The following PTP4A1 variants were observed in gnomAD, a reference collection of about 807,000 sequenced individuals.
PTP4A1 encodes protein tyrosine phosphatase 4A1.
A neutral mutation model predicts 20.5 loss-of-function variants in PTP4A1; 9 were observed. That is an observed-to-expected ratio of 0.44 (90% CI 0.26 to 0.77). The LOEUF is 0.77. Among genes scored for constraint, PTP4A1 ranks in the 30% least tolerant of loss-of-function variants. The pLI is 0.19. For missense variants in PTP4A1, 137 were observed against 218.8 expected (o/e 0.63, Z 2.36); for synonymous variants, 78 against 67.4 (o/e 1.16, Z -0.77).
chr6:63,558,519 G>T (rs540820525), intron 3 of PTP4A1, among the ~76,000 whole-genome samples: 1 of 152,268 alleles, frequency 6.6e-6, no homozygotes, highest in South Asian at 2.1e-4. Flanking sequence ...ATTGTCTCAT[G>T]ATAACAGTAA....
chr6:63,549,103 G>A, intron 2 of PTP4A1: 1 of 704,448 alleles, frequency 1.4e-6, no homozygotes, highest in South Asian at 1.5e-5. Context: ...CCTGCTCGAA[G>A]GACAGGTGGT....
chr6:63,553,288 A>G (rs1776531385), intron 3 of PTP4A1, among the ~76,000 whole-genome samples: 1 of 152,190 alleles, frequency 6.6e-6, no homozygotes, highest in Non-Finnish European at 1.5e-5. Flanking sequence ...ACCCAAAACC[A>G]TGCTTCAGGA....
At chr6:63,537,022 T>TA (rs1775757232) in intron 2 of PTP4A1, among the ~76,000 whole-genome samples, 1 of 152,024 alleles carries the variant, frequency 6.6e-6, no homozygotes, top group Non-Finnish European at 1.5e-5. Flanking sequence ...GAATTAAGGT[T>TA]AAATAGTTTT....
upstream of PTP4A1, among the ~76,000 whole-genome samples, chr6:63,517,500 A>G (rs1197897): frequency 0.54 from 81,441 of 151,980 alleles, 23,635 homozygotes; most frequent in African/African-American, 0.77. Flanking sequence ...GAAACCATTT[A>G]AATGGTGAAA....
At chr6:63,560,895 G>A (rs1321542718) in intron 3 of PTP4A1, among the ~76,000 whole-genome samples, 1 of 152,138 alleles carries the variant, frequency 6.6e-6, no homozygotes, top group Non-Finnish European at 1.5e-5. Flanking sequence ...ATCTCTTGAA[G>A]TAGCCATCAG....
At chr6:63,540,012 T>G (rs1176805364) in intron 2 of PTP4A1, among the ~76,000 whole-genome samples, 1 of 152,182 alleles carries the variant, frequency 6.6e-6, no homozygotes, top group Admixed American at 6.5e-5. Context: ...TGGTGGACAC[T>G]GATACAGCCA....
chr6:63,541,026 A>AAAGG (rs60316277), intron 2 of PTP4A1, among the ~76,000 whole-genome samples: 5,711 of 146,476 alleles, frequency 0.039, 129 homozygotes, highest in Non-Finnish European at 0.051. Context: ...GGGAATGAAG[A>AAAGG]AAGGAAGGAA....
chr6:63,569,453 C>T (rs888772994), upstream of PTP4A1, among the ~76,000 whole-genome samples: 1 of 152,140 alleles, frequency 6.6e-6, no homozygotes, highest in Non-Finnish European at 1.5e-5. Context: ...AGATGGGTTT[C>T]ACCATGTTGA....
chr6:63,564,916 A>T (rs143908514), intron 3 of PTP4A1, among the ~76,000 whole-genome samples: 40 of 152,376 alleles, frequency 2.6e-4, no homozygotes, highest in African/African-American at 9.4e-4. Flanking sequence ...GGATAGATTC[A>T]TAATAAGTCC....
upstream of PTP4A1, among the ~76,000 whole-genome samples, chr6:63,567,786 T>C (rs774490849): frequency 4.6e-5 from 7 of 152,248 alleles, no homozygotes; most frequent in Non-Finnish European, 1.0e-4. Flanking sequence ...TTTGTCTACA[T>C]TGAAAATCTG....
intron 3 of PTP4A1, among the ~76,000 whole-genome samples, chr6:63,565,068 T>C (rs185645423): frequency 6.6e-6 from 1 of 152,282 alleles, no homozygotes; most frequent in Non-Finnish European, 1.5e-5. Flanking sequence ...TGGAGTGCAG[T>C]GGCATGATCA....
intron 3 of PTP4A1, among the ~76,000 whole-genome samples, chr6:63,555,981 G>A (rs960793701): frequency 2.0e-5 from 3 of 151,648 alleles, no homozygotes; most frequent in South Asian, 2.1e-4. Flanking sequence ...GTGAGCCACC[G>A]TACCTGGCCT....
upstream of PTP4A1, among the ~76,000 whole-genome samples, chr6:63,519,094 C>A (rs1039088713): frequency 6.6e-6 from 1 of 152,064 alleles, no homozygotes; most frequent in African/African-American, 2.4e-5. Context: ...GCGGGCAGAT[C>A]GCCTGAAGTT....
chr6:63,522,507 G>A (rs1023325049), intron 1 of PTP4A1, among the ~76,000 whole-genome samples: 1 of 152,176 alleles, frequency 6.6e-6, no homozygotes, highest in Non-Finnish European at 1.5e-5. Context: ...TCCATGACAA[G>A]CTTTAGTAAG....
intron 1 of PTP4A1, among the ~76,000 whole-genome samples, chr6:63,525,499 T>C (rs1775121830): frequency 6.6e-6 from 1 of 152,202 alleles, no homozygotes; most frequent in Non-Finnish European, 1.5e-5. Flanking sequence ...GGTTCCAGTT[T>C]CCACTATTTC....
At chr6:63,539,369 C>G (rs879925392) in intron 2 of PTP4A1, among the ~76,000 whole-genome samples, 2 of 152,168 alleles carry the variant, frequency 1.3e-5, no homozygotes, top group Admixed American at 6.5e-5. Flanking sequence ...GTATCTCCCT[C>G]CAGGATTCCA....
At chr6:63,540,627 A>G (rs553148542) in intron 2 of PTP4A1, among the ~76,000 whole-genome samples, 1 of 152,008 alleles carries the variant, frequency 6.6e-6, no homozygotes, top group Non-Finnish European at 1.5e-5. Flanking sequence ...CCTGTATCAC[A>G]AATGAAAAAA....
upstream of PTP4A1, among the ~76,000 whole-genome samples, chr6:63,520,940 G>C (rs1477671512): frequency 3.3e-5 from 5 of 152,118 alleles, no homozygotes; most frequent in Non-Finnish European, 1.5e-5. Flanking sequence ...GCAGGGACAT[G>C]GATGAAGCTA....
intron 1 of PTP4A1, among the ~76,000 whole-genome samples, chr6:63,522,862 C>CTTT (rs559181707): frequency 1.4e-4 from 18 of 126,430 alleles, no homozygotes; most frequent in African/African-American, 5.3e-4. Context: ...GACTAAATCA[C>CTTT]TTTTTTTTTT....
Sources: allele counts gnomAD v4.1 joint callset (sites outside exome capture counted in the v4.1 genomes callset), GRCh38; gene constraint gnomAD v4.1.1; transcripts MANE v1.5; gene names NCBI Gene and HGNC (gene_info 2026-07-23, HGNC 2026-07-21).